PCLO: variants seen among roughly 807,000 people sequenced by gnomAD.
The protein encoded by PCLO is piccolo presynaptic cytomatrix protein, also known as protein piccolo.
A neutral mutation model predicts 427.5 loss-of-function variants in PCLO; 82 were observed. The ratio of observed to expected loss-of-function variants is 0.19; its 90% CI spans 0.16 to 0.23. The LOEUF (loss-of-function observed/expected upper bound fraction) is 0.23, where lower values mean the gene tolerates loss of function less well. Among genes scored for constraint, PCLO ranks in the 10% least tolerant of loss-of-function variants. The pLI is 1.00. For synonymous variants in PCLO, 2,357 were observed against 2,155.4 expected (o/e 1.09, Z -2.59); for missense variants, 6,239 against 6,115.9 (o/e 1.02, Z -0.67).
rs1455512522 is a variant in PCLO at position 82,755,134 on chromosome 7, TCC to T, written c.*3439_*3440del. The T allele has an allele frequency of 3.3e-5, 5 of 152,082 alleles. No individual in the cohort carries two copies. The highest frequency in any genetic ancestry group is 5.9e-5 in the Non-Finnish European group (4 of 67,990). The allele number at this position is 152,082 out of a possible 1,614,324, so 9.4% of individuals were successfully genotyped here. On this transcript the variant is annotated 3_prime_UTR_variant, in exon 25 of 25. Transcript: ENST00000333891. ...CTACCACCACTATCATTACAGTCAT[TCC>T]TATAATAAGAATCAATATCAGCTGG...
chr7:82,992,191 T>A (rs1294689807), intron 3 of PCLO, among the ~76,000 whole-genome samples: 2 of 152,098 alleles, frequency 1.3e-5, no homozygotes, highest in Non-Finnish European at 2.9e-5. Flanking sequence ...TCCCACACCA[T>A]TGGAACTATG....
intron 8 of PCLO, among the ~76,000 whole-genome samples, chr7:82,906,047 A>C (rs1006694150): frequency 2.0e-5 from 3 of 150,824 alleles, no homozygotes; most frequent in African/African-American, 4.9e-5. Flanking sequence ...AGATAGATAG[A>C]TAGATAGGTA....
chr7:82,794,228 C>T (rs1321597739), intron 22 of PCLO, among the ~76,000 whole-genome samples: 1 of 151,846 alleles, frequency 6.6e-6, no homozygotes, highest in East Asian at 1.9e-4. Flanking sequence ...TATTTCTTGT[C>T]TTTCTAATGT....
At chr7:83,160,589 T>G (rs12668225) in intron 1 of PCLO, among the ~76,000 whole-genome samples, 14,837 of 152,170 alleles carry the variant, frequency 0.098, 827 homozygotes, top group South Asian at 0.17. Flanking sequence ...TCACCAATAC[T>G]GTTTGGGCCA....
At chr7:82,833,712 C>T (rs1284400609) in intron 16 of PCLO, among the ~76,000 whole-genome samples, 2 of 133,794 alleles carry the variant, frequency 1.5e-5, no homozygotes, top group African/African-American at 5.0e-5. Flanking sequence ...GCAGAGATAA[C>T]CAACCACTGG....
At chr7:82,929,794 T>TA (rs1470614166) in intron 6 of PCLO, among the ~76,000 whole-genome samples, 1 of 152,174 alleles carries the variant, frequency 6.6e-6, no homozygotes, top group Non-Finnish European at 1.5e-5. Flanking sequence ...AGTCTAATAT[T>TA]AAACTATTTA....
intron 3 of PCLO, among the ~76,000 whole-genome samples, chr7:83,081,899 T>G (rs956767486): frequency 2.6e-5 from 4 of 151,698 alleles, no homozygotes; most frequent in Admixed American, 2.6e-4. Context: ...CTATTAAATA[T>G]TTGATGATTG....
At position 83,109,234 on chromosome 7, in the gene PCLO, G is replaced by A. The variant is rs140223501; in HGVS notation, c.3300+25016C>T. Among the ~76,000 whole-genome samples, 923 of 152,220 alleles carry A rather than the reference G, an allele frequency of 6.1e-3. 18 individuals are homozygous for A. The highest frequency in any genetic ancestry group is 0.049 in the Admixed American group (747 of 15,278). ...TACAATTTTATTTGACTTTCCATGTGTACTAAGCAAATCCTGTTTTCATTC... is the reference window on the plus strand; with the variant it reads ...TACAATTTTATTTGACTTTCCATGTATACTAAGCAAATCCTGTTTTCATTC... On this transcript the variant is annotated intron_variant, in intron 3 of 24. Coordinates refer to ENST00000333891, the MANE Select transcript of PCLO (RefSeq NM_033026.6).
At chr7:82,876,493 CCA>C (rs1333728132) in intron 10 of PCLO, among the ~76,000 whole-genome samples, 1 of 136,316 alleles carries the variant, frequency 7.3e-6, no homozygotes, top group East Asian at 2.1e-4. Flanking sequence ...CACACATACA[CCA>C]CACACACGTA....
At chr7:82,841,984 C>T (rs149751659) in intron 13 of PCLO, among the ~76,000 whole-genome samples, 259 of 152,200 alleles carry the variant, frequency 1.7e-3, no homozygotes, top group African/African-American at 5.8e-3. Context: ...GAATCACCCA[C>T]TCAATCACTT....
Position 83,135,195 on chromosome 7 carries a change from T to G in PCLO, c.2355A>C (p.Ser785=). Residue 785 remains serine (S), a synonymous_variant, in exon 3 of 25, where the codon TCA becomes TCC. Coordinates refer to ENST00000333891, the MANE Select transcript of PCLO (RefSeq NM_033026.6). ...KPDIPSSKVQ[S]QAEEKTTPPL... Reference sequence around the variant, plus strand: ...GAGGGGTTGTTTTCTCTTCAGCTTGTGACTGTACTTTGGAGCTTGGAATAT... The same window carrying G: ...GAGGGGTTGTTTTCTCTTCAGCTTGGGACTGTACTTTGGAGCTTGGAATAT... 1.2e-6 allele frequency: 2 copies of G among 1,613,884 alleles called. No individual in the cohort carries two copies. Among genetic ancestry groups the G allele is most frequent in the Non-Finnish European group, 1.7e-6 (2 of 1,179,874 alleles).
chr7:82,761,684 A>G (rs1474332637), intron 22 of PCLO, among the ~76,000 whole-genome samples, 191 bp from the exon 23 acceptor site: 1 of 152,052 alleles, frequency 6.6e-6, no homozygotes. Flanking sequence ...AAATTAATTC[A>G]CAGATGAATA....
Position 82,908,907 on chromosome 7 carries a change from G to A in PCLO, c.13407C>T (p.His4469=). Residue 4469 remains histidine, a synonymous_variant, in exon 8 of 25, where the codon CAC becomes CAT. Coordinates refer to ENST00000333891, the MANE Select transcript of PCLO (RefSeq NM_033026.6). ...LDRKLPERLV[H]SRPLSQHQEQ... is the part of the protein sequence containing the mutation. ...CTTGATGTTGACTGAGTGGTCTAGA[G>A]TGGACCAATCTTTCCGGCAGTTTTC... 1 of 1,612,776 alleles carries A rather than the reference G, an allele frequency of 6.2e-7. No homozygotes were observed. Among genetic ancestry groups the A allele is most frequent in the Non-Finnish European group, 8.5e-7 (1 of 1,179,094 alleles).
At chr7:82,890,782 T>C (rs1793743854) in intron 9 of PCLO, among the ~76,000 whole-genome samples, 2 of 151,958 alleles carry the variant, frequency 1.3e-5, no homozygotes, top group Non-Finnish European at 2.9e-5. Flanking sequence ...TTTAGGCTTG[T>C]AGATTTTCAT....
chr7:83,110,351 AAT>A (rs1330041557), intron 3 of PCLO, among the ~76,000 whole-genome samples: 4 of 152,058 alleles, frequency 2.6e-5, no homozygotes, highest in Non-Finnish European at 5.9e-5. Flanking sequence ...TACAGCTATT[AAT>A]ATGTCAATTT....
intron 6 of PCLO, among the ~76,000 whole-genome samples, chr7:82,938,325 T>G (rs1795003121): frequency 6.6e-6 from 1 of 152,002 alleles, no homozygotes; most frequent in African/African-American, 2.4e-5. Flanking sequence ...CCATGTTTGT[T>G]AGAAAGGCAC....
rs1301925311 is a variant in PCLO at position 82,952,192 on chromosome 7, T to C, written c.8761A>G (p.Thr2921Ala). Reference protein sequence around the residue: ...TMDESTSSVMTKIIEDEKPVD... With the variant: ...TMDESTSSVMAKIIEDEKPVD... ...GGTTTTTCATCTTCTATTATTTTGG[T>C]CATCACACTTGAAGTAGACTCATCC... The change falls in exon 5 of 25, where the codon ACC becomes GCC. Residue 2921 changes from threonine (T) to alanine (A), a missense_variant. Thr to Ala is a moderately conservative substitution (Grantham distance 58). This residue lies in a region of PCLO where 4,677 missense variants were observed against 4,468.4 expected (regional missense o/e 1.05). Coordinates refer to ENST00000333891, the MANE Select transcript of PCLO (RefSeq NM_033026.6). The C allele has an allele frequency of 1.2e-6, 2 of 1,613,604 alleles. No individual in the cohort carries two copies. Among genetic ancestry groups the C allele is most frequent in the African/African-American group, 2.7e-5 (2 of 74,918 alleles).
intron 6 of PCLO, among the ~76,000 whole-genome samples, chr7:82,931,176 T>C (rs1279974056): frequency 6.6e-6 from 1 of 152,162 alleles, no homozygotes; most frequent in Admixed American, 6.6e-5. Context: ...TAAGGCCCAG[T>C]ACTATTATTA....
At chr7:82,906,032 TAGATAGA>T (rs1794182630) in intron 8 of PCLO, among the ~76,000 whole-genome samples, 1 of 151,526 alleles carries the variant, frequency 6.6e-6, no homozygotes, top group African/African-American at 2.4e-5. Flanking sequence ...GATAGATAGA[TAGATAGA>T]TAGATAGATA....
Sources: gnomAD v4.1 joint callset for allele counts (sites outside exome capture counted in the v4.1 genomes callset) on GRCh38, gnomAD v4.1.1 for gene constraint, gnomAD v4.1.1 regional missense constraint, MANE v1.5 for transcripts, NCBI Gene and HGNC (gene_info 2026-07-23, HGNC 2026-07-21) for gene names.